SKAP2: variants seen among roughly 807,000 people sequenced by gnomAD.
The protein encoded by SKAP2 is src kinase-associated phosphoprotein 2.
A neutral mutation model predicts 54.9 loss-of-function variants in SKAP2; 28 were observed. That is an observed-to-expected ratio of 0.51 (90% CI 0.38 to 0.70). The LOEUF (loss-of-function observed/expected upper bound fraction) is 0.70, where lower values mean the gene tolerates loss of function less well. Ranked by LOEUF, SKAP2 falls within the 30% of genes least tolerant of loss-of-function variation. The pLI, the probability that SKAP2 is intolerant of heterozygous loss-of-function variation, is 0.00. For missense variants in SKAP2, 356 were observed against 424.1 expected, an observed-to-expected ratio of 0.84 and a Z score of 1.41; for synonymous variants, 137 against 134.3, an observed-to-expected ratio of 1.02 and a Z score of -0.14.
chr7:26,689,964 T>C (rs1232419624), intron 10 of SKAP2, among the ~76,000 whole-genome samples: 4 of 152,212 alleles, frequency 2.6e-5, no homozygotes, highest in African/African-American at 9.6e-5. Context: ...AACTGTCCTT[T>C]AGCAGTGACA....
intron 11 of SKAP2, among the ~76,000 whole-genome samples, chr7:26,676,488 T>C (rs1786352040): frequency 6.6e-6 from 1 of 152,178 alleles, no homozygotes; most frequent in Non-Finnish European, 1.5e-5. Context: ...TCCTTTGGGC[T>C]TTTATTTCTT....
At chr7:26,775,405 T>A (rs1298626402) in intron 4 of SKAP2, among the ~76,000 whole-genome samples, 3 of 152,360 alleles carry the variant, frequency 2.0e-5, no homozygotes, top group East Asian at 1.9e-4. Flanking sequence ...ACAGAATCCC[T>A]TATACACTTT....
chr7:26,863,566 G>A (rs763752751), intron 1 of SKAP2, among the ~76,000 whole-genome samples: 5 of 152,086 alleles, frequency 3.3e-5, no homozygotes, highest in Non-Finnish European at 7.4e-5. Flanking sequence ...TCCGTATCCA[G>A]TAAATTAATG....
intron 4 of SKAP2, among the ~76,000 whole-genome samples, chr7:26,818,377 C>A (rs967521013): frequency 6.6e-6 from 1 of 152,160 alleles, no homozygotes; most frequent in Non-Finnish European, 1.5e-5. Flanking sequence ...GGAAAACTGG[C>A]TAGCCATATG....
chr7:26,717,674 A>AT (rs1257310888), intron 9 of SKAP2, among the ~76,000 whole-genome samples: 1 of 150,802 alleles, frequency 6.6e-6, no homozygotes, highest in Non-Finnish European at 1.5e-5. Context: ...AAAAAAAAAA[A>AT]TACAAAAAAT....
downstream of SKAP2, among the ~76,000 whole-genome samples, chr7:26,662,930 G>C (rs1786040500): frequency 6.6e-6 from 1 of 152,084 alleles, no homozygotes; most frequent in Non-Finnish European, 1.5e-5. Flanking sequence ...AGGAGGAGGA[G>C]GAAAGTGGCG....
intron 4 of SKAP2, among the ~76,000 whole-genome samples, chr7:26,803,392 A>C (rs1287696234): frequency 6.6e-6 from 1 of 152,226 alleles, no homozygotes; most frequent in African/African-American, 2.4e-5. Flanking sequence ...ATCATCAGAG[A>C]AATGCAAATC....
chr7:26,722,519 A>G (rs1031640956), intron 9 of SKAP2, among the ~76,000 whole-genome samples: 1 of 151,216 alleles, frequency 6.6e-6, no homozygotes, highest in Non-Finnish European at 1.5e-5. Context: ...AGCCTCCTGA[A>G]TAGCTTGGAT....
intron 4 of SKAP2, among the ~76,000 whole-genome samples, chr7:26,841,709 A>G (rs1343640871): frequency 6.6e-6 from 1 of 152,076 alleles, no homozygotes; most frequent in African/African-American, 2.4e-5. Context: ...AGACAGACTT[A>G]GAATGCACAT....
intron 4 of SKAP2, among the ~76,000 whole-genome samples, chr7:26,783,522 T>C (rs1289277247): frequency 6.6e-6 from 1 of 152,116 alleles, no homozygotes. Context: ...ATTTAACTCA[T>C]ACTCATCCTT....
At chr7:26,657,719 GA>G in the SKAP2 span, among the ~76,000 whole-genome samples, 54 of 142,184 alleles carry the variant, frequency 3.8e-4, no homozygotes, top group African/African-American at 9.2e-4. Context: ...ATGAGCCAAA[GA>G]AAAAAAAAAT....
At chr7:26,838,737 C>T (rs1224615368) in intron 4 of SKAP2, among the ~76,000 whole-genome samples, 1 of 152,128 alleles carries the variant, frequency 6.6e-6, no homozygotes, top group Non-Finnish European at 1.5e-5. Flanking sequence ...TCAGCCAATA[C>T]ATCAGGAAGT....
chr7:26,809,798 T>A (rs932776281), intron 4 of SKAP2, among the ~76,000 whole-genome samples: 1 of 152,208 alleles, frequency 6.6e-6, no homozygotes, highest in African/African-American at 2.4e-5. Context: ...AGGGGATATC[T>A]GCACTCCCAT....
intron 4 of SKAP2, among the ~76,000 whole-genome samples, chr7:26,770,512 C>T (rs1178784388): frequency 6.6e-6 from 1 of 152,110 alleles, no homozygotes; most frequent in East Asian, 1.9e-4. Context: ...TGAAAAAAAA[C>T]TCCCACAGCT....
intron 9 of SKAP2, among the ~76,000 whole-genome samples, chr7:26,706,301 A>G (rs763182494): frequency 2.0e-5 from 3 of 152,218 alleles, no homozygotes; most frequent in Admixed American, 6.5e-5. Flanking sequence ...AGGGTAAAGT[A>G]AAACTTCAAA....
Position 26,716,122 on chromosome 7 carries a change from A to G in SKAP2, c.796+9306T>C, listed in dbSNP as rs552941269. On this transcript the variant is annotated intron_variant, in intron 9 of 12. Coordinates refer to ENST00000345317, the MANE Select transcript of SKAP2 (RefSeq NM_003930.5). Reference sequence around the variant, plus strand: ...ACTGAATGAACAAATATTCTCTACTATGCAATGTTACTTTATATCTTTTTG... The same window carrying G: ...ACTGAATGAACAAATATTCTCTACTGTGCAATGTTACTTTATATCTTTTTG... 8.2e-4 allele frequency among the ~76,000 whole-genome samples: 125 copies of G among 152,306 alleles called. 1 individual carries two copies. The highest frequency in any genetic ancestry group is 5.8e-4 in the East Asian group (3 of 5,184).
At chr7:26,682,005 C>T (rs1270503431) in intron 11 of SKAP2, among the ~76,000 whole-genome samples, 5 of 151,578 alleles carry the variant, frequency 3.3e-5, no homozygotes, top group African/African-American at 1.2e-4. Context: ...CACTAGATGG[C>T]GTAAAAAAAA....
At chr7:26,694,441 T>C (rs888419542) in intron 9 of SKAP2, among the ~76,000 whole-genome samples, 6 of 151,006 alleles carry the variant, frequency 4.0e-5, no homozygotes, top group African/African-American at 1.2e-4. Flanking sequence ...TCACACATTG[T>C]TAGAAGAATC....
intron 4 of SKAP2, among the ~76,000 whole-genome samples, chr7:26,828,970 G>A (rs766742610): frequency 4.7e-5 from 7 of 149,642 alleles, no homozygotes; most frequent in South Asian, 2.1e-4. Context: ...CAGAGGTTGC[G>A]GTGAGCTAAG....
Sources: gnomAD v4.1 joint callset for allele counts (sites outside exome capture counted in the v4.1 genomes callset) on GRCh38, gnomAD v4.1.1 for gene constraint, MANE v1.5 for transcripts, NCBI Gene and HGNC (gene_info 2026-07-23, HGNC 2026-07-21) for gene names.